RBFOX3: variants seen among roughly 807,000 people sequenced by gnomAD.
RBFOX3 encodes the protein RNA binding protein fox-1 homolog 3.
Under a neutral mutation model 48.7 loss-of-function variants are expected in RBFOX3, and 17 were observed. The ratio of observed to expected loss-of-function variants is 0.35; its 90% CI spans 0.24 to 0.52. The LOEUF is 0.52. Ranked by LOEUF, RBFOX3 falls within the 20% of genes least tolerant of loss-of-function variation. RBFOX3 has a pLI of 0.94. For synonymous variants in RBFOX3, 212 were observed against 209.5 expected, an observed-to-expected ratio of 1.01 and a Z score of -0.10; for missense variants, 382 against 497.5, an observed-to-expected ratio of 0.77 and a Z score of 2.21.
intron 1 of RBFOX3, among the ~76,000 whole-genome samples, chr17:79,580,096 C>G: frequency 6.6e-6 from 1 of 152,170 alleles, no homozygotes; most frequent in East Asian, 1.9e-4. Context: ...AATCTCATCT[C>G]TGAGAACTTG....
intron 1 of RBFOX3, among the ~76,000 whole-genome samples, chr17:79,514,184 A>T (rs1316425003): frequency 6.6e-6 from 1 of 151,994 alleles, no homozygotes; most frequent in East Asian, 1.9e-4. Flanking sequence ...GCAGCAGAAA[A>T]CGCGGCCAAC....
At chr17:79,092,606 G>T in intron 14 of RBFOX3, 4 of 987,742 alleles carry the variant, frequency 4.0e-6, no homozygotes, top group Non-Finnish European at 4.8e-6. Flanking sequence ...GCTAGTAGGG[G>T]GTGAAGCGGC....
intron 4 of RBFOX3, among the ~76,000 whole-genome samples, chr17:79,171,330 C>T (rs1252336125): frequency 6.6e-6 from 1 of 152,226 alleles, no homozygotes; most frequent in East Asian, 1.9e-4. Flanking sequence ...ACCACGCTGC[C>T]ATCTGCGGAC....
At chr17:79,457,743 C>A (rs1555746025) in intron 2 of RBFOX3, among the ~76,000 whole-genome samples, 1 of 152,222 alleles carries the variant, frequency 6.6e-6, no homozygotes, top group African/African-American at 2.4e-5. Flanking sequence ...CCATGAGATC[C>A]CTGCCCTCAG....
intron 4 of RBFOX3, among the ~76,000 whole-genome samples, chr17:79,196,707 ACT>A (rs1248665129): frequency 6.6e-6 from 1 of 152,136 alleles, no homozygotes; most frequent in African/African-American, 2.4e-5. Context: ...AGTACAGTTA[ACT>A]CTCAATTATC....
At chr17:79,393,141 T>C (rs1239311538) in intron 2 of RBFOX3, among the ~76,000 whole-genome samples, 2 of 152,222 alleles carry the variant, frequency 1.3e-5, no homozygotes, top group Non-Finnish European at 2.9e-5. Flanking sequence ...GAGCAAGAGA[T>C]AGAACATAGC....
At position 79,393,443 on chromosome 17, in the gene RBFOX3, G is replaced by A. The variant is rs538215611; in HGVS notation, c.-174-85619C>T. Among the ~76,000 whole-genome samples the A allele has an allele frequency of 4.5e-4, 69 of 152,380 alleles. 3 individuals are homozygous for A. The South Asian group carries it at 8.5e-3, about 19-fold the overall frequency. On this transcript the variant is annotated intron_variant, in intron 2 of 14. Transcript: ENST00000693108. ...AGCCGCAGGGAAACGCTCTCCGTTC[G>A]TGTGGTCCCTGGCGCCACCTCGCGG...
At chr17:79,632,171 T>G in the RBFOX3 span, among the ~76,000 whole-genome samples, 3 of 152,198 alleles carry the variant, frequency 2.0e-5, no homozygotes, top group African/African-American at 7.2e-5. Flanking sequence ...CTGGGATCAC[T>G]GAAGATGAAA....
the RBFOX3 span, among the ~76,000 whole-genome samples, chr17:79,662,143 T>TTTTTTTTTTTTG: frequency 4.8e-5 from 7 of 144,828 alleles, no homozygotes; most frequent in Non-Finnish European, 1.1e-4. Flanking sequence ...TTTTTTTTTT[T>TTTTTTTTTTTTG]GAGTCGGAGT....
intron 1 of RBFOX3, among the ~76,000 whole-genome samples, chr17:79,582,387 C>T (rs1305343242): frequency 1.3e-5 from 2 of 152,212 alleles, no homozygotes; most frequent in Non-Finnish European, 2.9e-5. Flanking sequence ...AGTGGGCATT[C>T]AGCCTCGCTT....
intron 2 of RBFOX3, among the ~76,000 whole-genome samples, chr17:79,342,943 C>T (rs1278069583): frequency 6.6e-6 from 1 of 150,942 alleles, no homozygotes; most frequent in Non-Finnish European, 1.5e-5. Context: ...AGAAAGAGAA[C>T]ACAGTGGGGG....
At chr17:79,366,734 C>T (rs1188621013) in intron 2 of RBFOX3, among the ~76,000 whole-genome samples, 1 of 152,230 alleles carries the variant, frequency 6.6e-6, no homozygotes, top group African/African-American at 2.4e-5. Flanking sequence ...TGGAAGGCTT[C>T]TGCCTGTGGA....
At chr17:79,476,369 C>T (rs1409183119) in intron 2 of RBFOX3, among the ~76,000 whole-genome samples, 2 of 152,226 alleles carry the variant, frequency 1.3e-5, no homozygotes, top group African/African-American at 4.8e-5. Context: ...GCCCGTTTTT[C>T]TATTTTTTTA....
chr17:79,094,505 G>T lies in RBFOX3; in HGVS notation c.1023C>A (p.Ala341=). Residue 341 remains alanine, a synonymous_variant, in exon 14 of 15, where the codon GCC becomes GCA. Coordinates refer to ENST00000693108, the MANE Select transcript of RBFOX3 (RefSeq NM_001350451.2). Reference sequence around the variant, plus strand: ...GCCCGATGGTGTGATGGTACGGGTCGGCAGCTGCGTAGACTCTGCCGTAAC... The same window carrying T: ...GCCCGATGGTGTGATGGTACGGGTCTGCAGCTGCGTAGACTCTGCCGTAAC... The part of the protein sequence containing the change: ...SDSYGRVYAA[A]DPYHHTIGPA... 1 of 1,456,620 alleles carries T rather than the reference G, an allele frequency of 6.9e-7. No homozygotes were observed. The highest frequency in any genetic ancestry group is 9.1e-7 in the Non-Finnish European group (1 of 1,104,670). The allele number at this position is 1,456,620 out of a possible 1,614,324, so 90.2% of individuals were successfully genotyped here. A position where few individuals can be genotyped will look rare whatever the true frequency, so the allele number is the denominator to read the frequency against.
chr17:79,405,603 C>T lies in RBFOX3; in HGVS notation c.-175+76851G>A, dbSNP rs113931907. Among the ~76,000 whole-genome samples the T allele has an allele frequency of 5.4e-3, 819 of 152,212 alleles. 12 individuals are homozygous for T. Among genetic ancestry groups the T allele is most frequent in the African/African-American group, 0.019 (780 of 41,514 alleles). On this transcript the variant is annotated intron_variant, in intron 2 of 14. Coordinates refer to ENST00000693108, the MANE Select transcript of RBFOX3 (RefSeq NM_001350451.2). ...GGGTGTGGTGGCACGCCCCTGTAAT[C>T]CTAGCTACTTGGGAGGCTGAGGCAG...
intron 1 of RBFOX3, among the ~76,000 whole-genome samples, chr17:79,494,389 G>A (rs1383473034): frequency 3.3e-5 from 5 of 152,318 alleles, no homozygotes; most frequent in Admixed American, 1.3e-4. Context: ...GTAGCATAAC[G>A]TCTTAAACTT....
At chr17:79,259,675 C>T (rs1018568461) in intron 3 of RBFOX3, among the ~76,000 whole-genome samples, 4 of 152,086 alleles carry the variant, frequency 2.6e-5, no homozygotes, top group Non-Finnish European at 4.4e-5. Flanking sequence ...GTCAGTAGAC[C>T]GGGCTCCCTT....
chr17:79,281,873 A>G (rs2070619942), intron 3 of RBFOX3, among the ~76,000 whole-genome samples: 1 of 152,242 alleles, frequency 6.6e-6, no homozygotes, highest in Non-Finnish European at 1.5e-5. Context: ...TAGGAGTCCC[A>G]GTGAAGGAAG....
chr17:79,366,325 C>G (rs1371986573), intron 2 of RBFOX3, among the ~76,000 whole-genome samples: 1 of 152,202 alleles, frequency 6.6e-6, no homozygotes, highest in Non-Finnish European at 1.5e-5. Flanking sequence ...CCAGTGACTC[C>G]CTGACCTGTT....
Sources: allele counts gnomAD v4.1 joint callset (sites outside exome capture counted in the v4.1 genomes callset), GRCh38; gene constraint gnomAD v4.1.1; transcripts MANE v1.5; gene names NCBI Gene and HGNC (gene_info 2026-07-23, HGNC 2026-07-21).